The following IL15 variants were observed in gnomAD, a reference collection of about 807,000 sequenced individuals.
The protein encoded by IL15 is interleukin-15.
IL15 carries 11 observed loss-of-function variants against 19.6 expected under a neutral mutation model. That is an observed-to-expected ratio of 0.56 (90% CI 0.35 to 0.93). IL15 has a LOEUF of 0.93. Among genes scored for constraint, IL15 ranks in the 40% least tolerant of loss-of-function variants. The pLI, the probability that IL15 is intolerant of heterozygous loss-of-function variation, is 0.01. For missense variants in IL15, 197 were observed against 186.5 expected (o/e 1.06, Z -0.33); for synonymous variants, 58 against 59.6 (o/e 0.97, Z 0.12).
At chr4:141,718,269 A>G (rs866409132) in intron 2 of IL15, 1 of 149,100 alleles carries the variant, frequency 6.7e-6, no homozygotes, top group Non-Finnish European at 1.5e-5. Context: ...ATCCCAAGTC[A>G]ATATTTTTTT....
chr4:141,730,003 G>C lies in IL15; in HGVS notation c.378+19G>C. 1 of 1,596,090 alleles carries C rather than the reference G, an allele frequency of 6.3e-7. No homozygotes were observed. Among genetic ancestry groups the C allele is most frequent in the Non-Finnish European group, 8.6e-7 (1 of 1,164,438 alleles). The stretch of plus-strand genomic sequence containing the variant: ...TAATGGGGTGAGTTTTCCAACAGTT[G>C]CTTAGAGTTGCATCTTATGTTTTGG... On this transcript the variant is annotated intron_variant, in intron 7 of 7. Coordinates refer to ENST00000320650, the MANE Select transcript of IL15 (RefSeq NM_000585.5).
chr4:141,646,793 G>C (rs1359315275), intron 1 of IL15, among the ~76,000 whole-genome samples: 2 of 151,996 alleles, frequency 1.3e-5, no homozygotes, highest in South Asian at 2.1e-4. Flanking sequence ...CTATGGACTT[G>C]TATGTTTTAT....
intron 2 of IL15, among the ~76,000 whole-genome samples, chr4:141,665,891 G>T (rs952365721): frequency 6.6e-6 from 1 of 152,054 alleles, no homozygotes; most frequent in South Asian, 2.1e-4. Context: ...TTTCCTAGGT[G>T]ACTAAAACAA....
chr4:141,640,593 T>C (rs1345358561), intron 1 of IL15, among the ~76,000 whole-genome samples: 1 of 151,938 alleles, frequency 6.6e-6, no homozygotes, highest in Non-Finnish European at 1.5e-5. Context: ...AAAAAAAAAG[T>C]TGTTTAGTGC....
rs187414414 is a variant in IL15 at position 141,733,075 on chromosome 4, T to A, written c.*227T>A. The A allele has an allele frequency of 1.0e-4, 42 of 417,418 alleles. 1 individual carries two copies. The highest frequency in any genetic ancestry group is 2.4e-4 in the Admixed American group (5 of 20,808). The allele number at this position is 417,418 out of a possible 1,614,324, so 25.9% of individuals were successfully genotyped here. On this transcript the variant is annotated 3_prime_UTR_variant, in exon 8 of 8. Transcript: ENST00000320650. ...CTCAGACTTACTTTACTCATTTTTT[T>A]AATTTATTATTGAAATTGTACATAT...
rs1178330178 is a variant in IL15, at chr4:141,656,002, C to A, written c.-221-184C>A. ...AGGACATGAGTTAAATTATGGGGAA[C>A]TCTGAGGATTGTAGAAAAGATTTCC... is the stretch of plus-strand genomic sequence containing the variant. On this transcript the variant is annotated intron_variant, in intron 1 of 7. Coordinates refer to ENST00000320650, the MANE Select transcript of IL15 (RefSeq NM_000585.5). Among the ~76,000 whole-genome samples the A allele has an allele frequency of 1.1e-4, 17 of 152,148 alleles. No homozygotes were observed. The South Asian group carries it at 2.9e-3, about 26-fold the overall frequency.
chr4:141,689,910 C>T (rs189100184), intron 2 of IL15, among the ~76,000 whole-genome samples: 1,588 of 152,242 alleles, frequency 0.01, 24 homozygotes, highest in East Asian at 0.058. Flanking sequence ...GAGCAGGGGG[C>T]GGTGCTCATC....
At chr4:141,686,453 C>A (rs931784437) in intron 2 of IL15, among the ~76,000 whole-genome samples, 1 of 152,112 alleles carries the variant, frequency 6.6e-6, no homozygotes, top group Non-Finnish European at 1.5e-5. Flanking sequence ...AGAGCATGAG[C>A]CCAGAAGTGA....
At chr4:141,686,366 G>T (rs967742852) in intron 2 of IL15, among the ~76,000 whole-genome samples, 3 of 151,824 alleles carry the variant, frequency 2.0e-5, no homozygotes, top group East Asian at 1.9e-4. Context: ...AGTAAATATT[G>T]AATCATAAAT....
intron 2 of IL15, among the ~76,000 whole-genome samples, chr4:141,666,567 A>C (rs966067889): frequency 6.6e-6 from 1 of 151,682 alleles, no homozygotes; most frequent in African/African-American, 2.4e-5. Flanking sequence ...CATGTTACCT[A>C]TGCTGGTCTC....
intron 1 of IL15, among the ~76,000 whole-genome samples, chr4:141,651,283 A>G (rs1256198203): frequency 6.6e-6 from 1 of 152,104 alleles, no homozygotes; most frequent in Non-Finnish European, 1.5e-5. Flanking sequence ...TTTTGCAGCA[A>G]CATGACGGAA....
chr4:141,718,875 A>G (rs1482280379), intron 2 of IL15: 2 of 152,168 alleles, frequency 1.3e-5, no homozygotes, highest in African/African-American at 2.4e-5. Flanking sequence ...CATATTCTTC[A>G]CTTGATTTGA....
chr4:141,694,825 T>C (rs1428301618), intron 2 of IL15, among the ~76,000 whole-genome samples: 4 of 152,236 alleles, frequency 2.6e-5, no homozygotes, highest in Admixed American at 2.6e-4. Flanking sequence ...GGTACTTCCA[T>C]GGTTTCACCC....
intron 1 of IL15, among the ~76,000 whole-genome samples, chr4:141,653,026 C>A (rs1042235226): frequency 1.3e-5 from 2 of 152,118 alleles, no homozygotes; most frequent in African/African-American, 2.4e-5. Flanking sequence ...GGTATGTCTT[C>A]TGTGGCAGCA....
intron 2 of IL15, among the ~76,000 whole-genome samples, chr4:141,676,146 A>G (rs1728334405): frequency 6.6e-6 from 1 of 152,072 alleles, no homozygotes; most frequent in Non-Finnish European, 1.5e-5. Flanking sequence ...CATATTTAGA[A>G]AGTTTTAAGG....
At position 141,664,884 on chromosome 4, in the gene IL15, T is replaced by C. The variant is rs146067102; in HGVS notation, c.-100+8577T>C. Among the ~76,000 whole-genome samples, 480 of 152,250 alleles carry C rather than the reference T, an allele frequency of 3.2e-3. 1 individual carries two copies. The highest frequency in any genetic ancestry group is 0.01 in the African/African-American group (427 of 41,566). Reference sequence around the variant, plus strand: ...AATATATTACTTTTATAGAAAAATATATAAAAATACAAATTTGCAATTCCT... The same window carrying C: ...AATATATTACTTTTATAGAAAAATACATAAAAATACAAATTTGCAATTCCT... On this transcript the variant is annotated intron_variant, in intron 2 of 7. Coordinates refer to ENST00000320650, the MANE Select transcript of IL15 (RefSeq NM_000585.5).
At chr4:141,732,056 T>A (rs1343638684) in intron 7 of IL15, among the ~76,000 whole-genome samples, 2 of 152,124 alleles carry the variant, frequency 1.3e-5, no homozygotes, top group African/African-American at 4.8e-5. Flanking sequence ...GCTTAGAGAA[T>A]AGTATTACAG....
chr4:141,651,493 C>T (rs1727404935), intron 1 of IL15, among the ~76,000 whole-genome samples: 1 of 152,050 alleles, frequency 6.6e-6, no homozygotes, highest in African/African-American at 2.4e-5. Flanking sequence ...GTACATTATT[C>T]TGGTGATGGT....
chr4:141,684,703 T>G (rs959266528), intron 2 of IL15, among the ~76,000 whole-genome samples: 45 of 152,200 alleles, frequency 3.0e-4, no homozygotes, highest in Admixed American at 2.7e-3. Flanking sequence ...AAAACTAACC[T>G]CAATTACCAC....
Sources: gnomAD v4.1 joint callset for allele counts (sites outside exome capture counted in the v4.1 genomes callset) on GRCh38, gnomAD v4.1.1 for gene constraint, MANE v1.5 for transcripts, NCBI Gene and HGNC (gene_info 2026-07-23, HGNC 2026-07-21) for gene names.